The following QKI variants were observed in gnomAD, a reference collection of about 807,000 sequenced individuals.
QKI encodes the protein QKI, KH domain containing RNA binding, also known as KH domain-containing RNA-binding protein QKI.
A neutral mutation model predicts 39.0 loss-of-function variants in QKI; 10 were observed. The ratio of observed to expected loss-of-function variants is 0.26; its 90% CI spans 0.16 to 0.43. The LOEUF (loss-of-function observed/expected upper bound fraction) is 0.43, where lower values mean the gene tolerates loss of function less well. Ranked by LOEUF, QKI falls within the 20% of genes least tolerant of loss-of-function variation. The pLI is 1.00. For missense variants in QKI, 218 were observed against 428.0 expected, an observed-to-expected ratio of 0.51 and a Z score of 4.33; for synonymous variants, 204 against 155.4, an observed-to-expected ratio of 1.31 and a Z score of -2.33.
At position 163,501,959 on chromosome 6, in the gene QKI, T is replaced by C. The variant is rs1485709332; in HGVS notation, c.402+23063T>C. 7.2e-5 allele frequency among the ~76,000 whole-genome samples: 11 copies of C among 152,134 alleles called. No homozygotes were observed. In the East Asian group the frequency reaches 2.1e-3, roughly 29 times the overall value. ...TTTGAGGATAAAAAACTGTTTGTTA[T>C]GTGTCCTGTATGCTTTCATAGACTA... On this transcript the variant is annotated intron_variant, in intron 3 of 7. Coordinates refer to ENST00000361752, the MANE Select transcript of QKI (RefSeq NM_006775.3).
chr6:163,475,564 A>G (rs914661859), intron 2 of QKI, among the ~76,000 whole-genome samples: 1 of 152,140 alleles, frequency 6.6e-6, no homozygotes, highest in Non-Finnish European at 1.5e-5. Flanking sequence ...CCAGATACCA[A>G]GGGACGATTG....
chr6:163,492,357 G>A lies in QKI; in HGVS notation c.402+13461G>A, dbSNP rs57731320. ...TTAAAACATGTAATTGTTAACTCTC[G>A]ATTTTAAATACCTATAATTTTTAGT... On this transcript the variant is annotated intron_variant, in intron 3 of 7. Transcript: ENST00000361752. 8.3e-3 allele frequency among the ~76,000 whole-genome samples: 1,257 copies of A among 152,114 alleles called. 21 individuals are homozygous for A. Among genetic ancestry groups the A allele is most frequent in the African/African-American group, 0.029 (1,206 of 41,528 alleles).
In QKI at chr6:163,570,783, T is replaced by C. The variant is rs1356061482; in HGVS notation, c.*73T>C. On this transcript the variant is annotated 3_prime_UTR_variant, in exon 8 of 8. Coordinates refer to ENST00000361752, the MANE Select transcript of QKI (RefSeq NM_006775.3). Reference sequence around the variant, plus strand: ...CATGCCTGCCTGCTGATCAGTTAACTGGTAATCGCCTTTGCTTGCCTGTCG... The same window carrying C: ...CATGCCTGCCTGCTGATCAGTTAACCGGTAATCGCCTTTGCTTGCCTGTCG... 7.6e-6 allele frequency: 12 copies of C among 1,579,502 alleles called. No individual in the cohort carries two copies. In the Admixed American group the frequency reaches 1.2e-4, roughly 16 times the overall value.
intron 3 of QKI, among the ~76,000 whole-genome samples, chr6:163,532,507 G>T (rs1178408315): frequency 6.6e-6 from 1 of 152,212 alleles, no homozygotes; most frequent in Non-Finnish European, 1.5e-5. Flanking sequence ...ACACAGTTAA[G>T]TTAGTTGGAA....
chr6:163,517,081 TTCTC>T (rs757701002), intron 3 of QKI, among the ~76,000 whole-genome samples: 44,177 of 96,094 alleles, frequency 0.46, 8,046 homozygotes, highest in East Asian at 0.64. Context: ...CTCTCTCTCT[TTCTC>T]TCTCTCTCTC....
intron 3 of QKI, among the ~76,000 whole-genome samples, chr6:163,509,211 C>A (rs13202282): frequency 0.42 from 63,934 of 151,958 alleles, 16,733 homozygotes; most frequent in East Asian, 0.71. Flanking sequence ...ATTCTATAAC[C>A]AGTGAAAATA....
intron 3 of QKI, among the ~76,000 whole-genome samples, chr6:163,534,203 GA>G (rs1781051115): frequency 6.6e-6 from 1 of 152,132 alleles, no homozygotes; most frequent in African/African-American, 2.4e-5. Context: ...TCAACATGGG[GA>G]TATTTCTTAC....
intron 3 of QKI, among the ~76,000 whole-genome samples, chr6:163,533,816 G>A (rs77288645): frequency 3.9e-5 from 6 of 152,040 alleles, no homozygotes; most frequent in Admixed American, 6.5e-5. Flanking sequence ...ACAATATGTG[G>A]ATGCATTTTC....
chr6:163,569,208 A>G, intron 7 of QKI: 1 of 960,960 alleles, frequency 1.0e-6, no homozygotes, highest in Non-Finnish European at 1.2e-6. Flanking sequence ...TCCACTTTTA[A>G]GAAATTCAGG....
At chr6:163,452,730 T>TTTTA (rs147662395) in intron 1 of QKI, among the ~76,000 whole-genome samples, 4,738 of 152,220 alleles carry the variant, frequency 0.031, 241 homozygotes, top group African/African-American at 0.11. Context: ...TACATTTTCT[T>TTTTA]TTTATTTATT....
intron 3 of QKI, among the ~76,000 whole-genome samples, chr6:163,530,595 A>G (rs972522925): frequency 2.0e-5 from 3 of 152,192 alleles, no homozygotes; most frequent in African/African-American, 7.2e-5. Flanking sequence ...TTGAGCTGGA[A>G]TGGACTACAG....
intron 3 of QKI, among the ~76,000 whole-genome samples, chr6:163,480,977 C>G (rs189248372): frequency 6.6e-6 from 1 of 152,140 alleles, no homozygotes; most frequent in Admixed American, 6.5e-5. Flanking sequence ...CTTACTGTTT[C>G]AAGCCCTCAC....
intron 1 of QKI, among the ~76,000 whole-genome samples, chr6:163,434,532 A>G (rs1260621628): frequency 1.3e-5 from 2 of 151,858 alleles, no homozygotes; most frequent in Non-Finnish European, 2.9e-5. Context: ...TGGCTAACAC[A>G]GTGAAACCCC....
At position 163,557,414 on chromosome 6, in the gene QKI, G is replaced by A. The variant is rs1782699001; in HGVS notation, c.547-4568G>A. 2.6e-5 allele frequency among the ~76,000 whole-genome samples: 4 copies of A among 152,194 alleles called. No homozygotes were observed. The South Asian group carries it at 8.3e-4, about 32-fold the overall frequency. On this transcript the variant is annotated intron_variant, in intron 4 of 7. Coordinates refer to ENST00000361752, the MANE Select transcript of QKI (RefSeq NM_006775.3). ...ATGAAACTGGAGGTCATTATGTTAA[G>A]TGAAATAAGTCAGGCACAGAAAGAA...
chr6:163,530,084 T>C (rs372745605), intron 3 of QKI, among the ~76,000 whole-genome samples: 1 of 152,220 alleles, frequency 6.6e-6, no homozygotes, highest in South Asian at 2.1e-4. Context: ...GTAGCACATA[T>C]ATTATGAAAT....
At position 163,501,196 on chromosome 6, in the gene QKI, A is replaced by C. The variant is rs1037158510; in HGVS notation, c.402+22300A>C. 2.6e-5 allele frequency among the ~76,000 whole-genome samples: 4 copies of C among 152,190 alleles called. No homozygotes were observed. In the East Asian group the frequency reaches 5.8e-4, roughly 22 times the overall value. Reference sequence around the variant, plus strand: ...ATTAAGGCGTGTTCTTTGGCCACTCAAAGTGCTCCCCACCCAACACTGGCA... The same window carrying C: ...ATTAAGGCGTGTTCTTTGGCCACTCCAAGTGCTCCCCACCCAACACTGGCA... On this transcript the variant is annotated intron_variant, in intron 3 of 7. Transcript: ENST00000361752.
intron 3 of QKI, among the ~76,000 whole-genome samples, chr6:163,526,698 C>T (rs1251134499): frequency 1.3e-5 from 2 of 152,116 alleles, no homozygotes; most frequent in Non-Finnish European, 2.9e-5. Context: ...CTCTTCTCAG[C>T]CTTAACTATG....
chr6:163,464,085 T>C (rs995865667), intron 2 of QKI, among the ~76,000 whole-genome samples: 2 of 152,196 alleles, frequency 1.3e-5, no homozygotes, highest in Non-Finnish European at 2.9e-5. Flanking sequence ...TGTACCCACC[T>C]CTTAAGCTGT....
Position 163,573,940 on chromosome 6 carries a change from GTTGT to G in QKI, c.*3235_*3238del, listed in dbSNP as rs1204468314. The G allele has an allele frequency of 3.3e-5, 5 of 151,598 alleles. No individual in the cohort carries two copies. Among genetic ancestry groups the G allele is most frequent in the East Asian group, 1.9e-4 (1 of 5,166 alleles). 9.4% of individuals were successfully genotyped at this position (151,598 alleles called of 1,614,324 possible). A position where few individuals can be genotyped will look rare whatever the true frequency, so the allele number is the denominator to read the frequency against. ...ATAACATAGTGTGACTTGTTTTTAT[GTTGT>G]TTGTCAGCTGACAGTTTTGCACACT... On this transcript the variant is annotated 3_prime_UTR_variant, in exon 8 of 8. Transcript: ENST00000361752.
Sources: allele counts gnomAD v4.1 joint callset (sites outside exome capture counted in the v4.1 genomes callset), GRCh38; gene constraint gnomAD v4.1.1; transcripts MANE v1.5; gene names NCBI Gene and HGNC (gene_info 2026-07-23, HGNC 2026-07-21).